Variants in TBX21 observed in about 807,000 individuals in gnomAD.
TBX21 encodes T-box transcription factor 21.
Under a neutral mutation model 52.2 loss-of-function variants are expected in TBX21, and 11 were observed. That is an observed-to-expected ratio of 0.21 (90% confidence interval 0.13 to 0.35). The LOEUF (loss-of-function observed/expected upper bound fraction) is 0.35, where lower values mean the gene tolerates loss of function less well. Among genes scored for constraint, TBX21 ranks in the 10% least tolerant of loss-of-function variants. TBX21 has a pLI of 1.00. For missense variants in TBX21, 625 were observed against 755.1 expected, an observed-to-expected ratio of 0.83 and a Z score of 2.02; for synonymous variants, 300 against 316.1, an observed-to-expected ratio of 0.95 and a Z score of 0.54.
At chr17:47,737,699 C>G (rs927909856) in intron 1 of TBX21, among the ~76,000 whole-genome samples, 19 of 151,666 alleles carry the variant, frequency 1.3e-4, no homozygotes, top group African/African-American at 4.6e-4. Context: ...AATCTTGGCT[C>G]ACTGCAACCT....
rs932648071 is a variant in TBX21 at position 47,742,398 on chromosome 17, A to G, written c.492-212A>G. Among the ~76,000 whole-genome samples, 2 of 152,124 alleles carry G rather than the reference A, an allele frequency of 1.3e-5. No homozygotes were observed. The highest frequency in any genetic ancestry group is 4.8e-5 in the African/African-American group (2 of 41,412). ...TGCCGGGCCTACTTTGACTGTTAAT[A>G]TGTCTTGAATTGCAAGTTTATATAA... On this transcript the variant is annotated intron_variant, in intron 1 of 5. Transcript: ENST00000177694. This position sits in a 1 kb window ranked among gnomAD's most constrained non-coding sequence, Gnocchi z 4.4.
At chr17:47,744,122 G>C (rs2032300159) in intron 3 of TBX21, 73 bp from the exon 4 acceptor site, 3 of 1,569,642 alleles carry the variant, frequency 1.9e-6, no homozygotes, top group African/African-American at 2.7e-5. Context: ...CGTGGGGCCA[G>C]CTGTTGGTGG....
Position 47,733,603 on chromosome 17 carries a change from G to C in TBX21, c.149G>C (p.Gly50Ala). Residue 50 changes from glycine (G) to alanine (A), a missense_variant, in exon 1 of 6, where the codon GGG (glycine) becomes GCG (alanine). Transcript: ENST00000177694. The surrounding 1 kb of genome is among the most constrained non-coding windows in gnomAD (Gnocchi z 6.6). ...PGAQDADERR[G>A]GGSLGSPYPG... ...GCGCAGGACGCGGACGAGCGTCGCG[G>C]GGGCGGCAGCCTGGGGTCTCCCTAC... 1 of 1,451,214 alleles carries C rather than the reference G, an allele frequency of 6.9e-7. No individual in the cohort carries two copies. Among genetic ancestry groups the C allele is most frequent in the Non-Finnish European group, 9.0e-7 (1 of 1,110,166 alleles). 89.9% of individuals were successfully genotyped at this position (1,451,214 alleles called of 1,614,324 possible). A position where few individuals can be genotyped will look rare whatever the true frequency, so the allele number is the denominator to read the frequency against.
intron 1 of TBX21, among the ~76,000 whole-genome samples, chr17:47,736,824 C>G (rs537224201): frequency 3.6e-4 from 55 of 152,250 alleles, no homozygotes; most frequent in African/African-American, 1.2e-3. Context: ...AGTGACCCAC[C>G]AGTCACACCA....
At chr17:47,741,958 A>G (rs2032270995) in intron 1 of TBX21, among the ~76,000 whole-genome samples, 1 of 152,192 alleles carries the variant, frequency 6.6e-6, no homozygotes, top group South Asian at 2.1e-4. Context: ...CTCACAGTGC[A>G]CTGTGATTTA....
intron 1 of TBX21, among the ~76,000 whole-genome samples, chr17:47,740,181 C>T (rs75090420): frequency 1.3e-5 from 2 of 151,884 alleles, no homozygotes; most frequent in African/African-American, 4.8e-5. Context: ...TTCTCCTTGC[C>T]TCAGCCTCCA....
chr17:47,745,336 A>G lies in TBX21; in HGVS notation c.1578A>G (p.Glu526=). 6.2e-7 allele frequency: 1 copy of G among 1,608,644 alleles called. No individual in the cohort carries two copies. Among genetic ancestry groups the G allele is most frequent in the Non-Finnish European group, 8.5e-7 (1 of 1,178,126 alleles). ...CTTCTCCTTTTGATAAGGAAGCTGAAGGACAGTTTTATAACTATTTTCCCA... is the reference window on the plus strand; with the variant it reads ...CTTCTCCTTTTGATAAGGAAGCTGAGGGACAGTTTTATAACTATTTTCCCA... The part of the protein sequence containing the change: ...GAPSPFDKEA[E]GQFYNYFPN The change falls in exon 6 of 6, where the codon GAA becomes GAG. Residue 526 remains glutamate (E), a synonymous_variant. Transcript: ENST00000177694.
At chr17:47,740,238 C>G (rs576150036) in intron 1 of TBX21, among the ~76,000 whole-genome samples, 79 of 151,802 alleles carry the variant, frequency 5.2e-4, no homozygotes, top group Non-Finnish European at 7.5e-4. Flanking sequence ...GGCTAATTTT[C>G]TGTATTTTTA....
At position 47,745,200 on chromosome 17, in the gene TBX21, C is replaced by T. The variant is rs765422654; in HGVS notation, c.1442C>T (p.Ala481Val). Residue 481 changes from alanine to valine, a missense_variant, in exon 6 of 6, where the codon GCC (alanine) becomes GTC (valine). By Grantham distance (64) the Ala-to-Val change is moderately conservative (BLOSUM62 0). Coordinates refer to ENST00000177694, the MANE Select transcript of TBX21 (RefSeq NM_013351.2). ...CCCCCCTTGGTGTGGACTGAGATTG[C>T]CCCCATCCGGCCGGAATCCAGTGAT... The part of the protein sequence containing the change: ...QGPPLVWTEI[A>V]PIRPESSDSG... 1.2e-6 allele frequency: 2 copies of T among 1,614,192 alleles called. No homozygotes were observed. Among genetic ancestry groups the T allele is most frequent in the Non-Finnish European group, 1.7e-6 (2 of 1,180,032 alleles).
Position 47,733,362 on chromosome 17 carries a change from C to G in TBX21, c.-93C>G, listed in dbSNP as rs1223247020. The G allele has an allele frequency of 5.2e-6, 7 of 1,353,970 alleles. No individual in the cohort carries two copies. The highest frequency in any genetic ancestry group is 6.6e-6 in the Non-Finnish European group (7 of 1,057,312). The allele number at this position is 1,353,970 out of a possible 1,614,324, so 83.9% of individuals were successfully genotyped here. On this transcript the variant is annotated 5_prime_UTR_variant, in exon 1 of 6. Transcript: ENST00000177694. This position sits in a 1 kb window ranked among gnomAD's most constrained non-coding sequence, Gnocchi z 6.6. ...CCCACCCGGCCCTCGGGTCCCCCGC[C>G]CCCTGCTCCCTGCCCATCCCAGCCC...
Position 47,744,215 on chromosome 17 carries a change from C to G in TBX21, c.789C>G (p.Leu263=). The change falls in exon 4 of 6, where the codon CTC becomes CTG. Residue 263 remains leucine, a synonymous_variant. Coordinates refer to ENST00000177694, the MANE Select transcript of TBX21 (RefSeq NM_013351.2). ...NVTQMIVLQS[L]HKYQPRLHIV... is the part of the protein sequence containing the mutation. ...TACAGATGATTGTGCTCCAGTCCCT[C>G]CATAAGTACCAGCCCCGGCTGCATA... The G allele has an allele frequency of 1.2e-6, 2 of 1,614,238 alleles. No individual in the cohort carries two copies. The highest frequency in any genetic ancestry group is 4.5e-5 in the East Asian group (2 of 44,882).
intron 1 of TBX21, among the ~76,000 whole-genome samples, chr17:47,737,312 G>C (rs1213699775): frequency 6.6e-6 from 1 of 152,168 alleles, no homozygotes; most frequent in Non-Finnish European, 1.5e-5. Flanking sequence ...CTGTGGGTGT[G>C]TGGGTGTGTA....
chr17:47,744,863 T>C lies in TBX21; in HGVS notation c.1105T>C (p.Phe369Leu). The C allele has an allele frequency of 1.2e-6, 2 of 1,614,182 alleles. No homozygotes were observed. The highest frequency in any genetic ancestry group is 8.5e-7 in the Non-Finnish European group (1 of 1,180,030). ...LPNQYPVPSR[F>L]YPDLPGQAKD... ...CAACCAGTATCCTGTTCCCAGCCGCTTCTACCCCGACCTTCCTGGCCAGGC... is the reference window on the plus strand; with the variant it reads ...CAACCAGTATCCTGTTCCCAGCCGCCTCTACCCCGACCTTCCTGGCCAGGC... The change falls in exon 6 of 6, where the codon TTC becomes CTC. Residue 369 changes from phenylalanine (F) to leucine (L), a missense_variant. This residue lies in a region of TBX21 where 261 missense variants were observed against 275.1 expected (regional missense o/e 0.95). Coordinates refer to ENST00000177694, the MANE Select transcript of TBX21 (RefSeq NM_013351.2).
At chr17:47,740,287 C>T (rs112579195) in intron 1 of TBX21, among the ~76,000 whole-genome samples, 2 of 151,978 alleles carry the variant, frequency 1.3e-5, no homozygotes, top group Admixed American at 6.5e-5. Context: ...AGGCTGGTCT[C>T]GAACTCCTGA....
At chr17:47,737,983 A>C (rs1036884540) in intron 1 of TBX21, among the ~76,000 whole-genome samples, 24 of 151,880 alleles carry the variant, frequency 1.6e-4, no homozygotes, top group African/African-American at 5.8e-4. Flanking sequence ...ACAGAATATT[A>C]CTGTGTTGCC....
At chr17:47,736,671 T>A (rs2032210115) in intron 1 of TBX21, among the ~76,000 whole-genome samples, 1 of 152,092 alleles carries the variant, frequency 6.6e-6, no homozygotes, top group African/African-American at 2.4e-5. Flanking sequence ...AGCCCCAGGT[T>A]ACCTCCATAC....
intron 1 of TBX21, among the ~76,000 whole-genome samples, chr17:47,739,498 C>T (rs1005150609): frequency 3.9e-5 from 6 of 152,066 alleles, no homozygotes; most frequent in African/African-American, 1.4e-4. Context: ...GTGGCTCACC[C>T]CTGTAATCCC....
chr17:47,735,061 G>A (rs899385681), intron 1 of TBX21, among the ~76,000 whole-genome samples: 1 of 152,108 alleles, frequency 6.6e-6, no homozygotes, highest in African/African-American at 2.4e-5. Context: ...CAGGGGACCA[G>A]CGAGGACCAG....
In TBX21 at chr17:47,743,911, A is replaced by G. The variant is rs1159541467; in HGVS notation, c.769-284A>G. On this transcript the variant is annotated intron_variant, in intron 3 of 5. Coordinates refer to ENST00000177694, the MANE Select transcript of TBX21 (RefSeq NM_013351.2). Reference sequence around the variant, plus strand: ...AAAAAAAAAAGAAAAAAGAAAAAAGAAAAAAAAGTGCCCTTGCCCTAAAGC... The same window carrying G: ...AAAAAAAAAAGAAAAAAGAAAAAAGGAAAAAAAGTGCCCTTGCCCTAAAGC... Among the ~76,000 whole-genome samples, 4 of 150,912 alleles carry G rather than the reference A, an allele frequency of 2.7e-5. No individual in the cohort carries two copies. The East Asian group carries it at 7.8e-4, about 29-fold the overall frequency.
Sources: gnomAD v4.1 joint callset for allele counts (sites outside exome capture counted in the v4.1 genomes callset) on GRCh38, gnomAD v4.1.1 for gene constraint, gnomAD v4.1.1 regional missense constraint, Gnocchi (gnomAD v3.1) non-coding constraint, MANE v1.5 for transcripts, NCBI Gene and HGNC (gene_info 2026-07-23, HGNC 2026-07-21) for gene names.